LURAP1L: variants seen among roughly 807,000 people sequenced by gnomAD.
LURAP1L encodes the protein leucine rich adaptor protein 1 like.
A neutral mutation model predicts 13.8 loss-of-function variants in LURAP1L; 12 were observed. The observed-to-expected ratio is 0.87, with a 90% confidence interval of 0.56 to 1.41. The LOEUF (loss-of-function observed/expected upper bound fraction) is 1.41. Among genes scored for constraint, LURAP1L ranks in the 40% most tolerant of loss-of-function variants. LURAP1L has a pLI of 0.00. For synonymous variants in LURAP1L, 139 were observed against 119.2 expected (o/e 1.17, Z -1.08); for missense variants, 375 against 292.9 (o/e 1.28, Z -2.04).
At chr9:12,790,346 T>G (rs1487114965) in intron 1 of LURAP1L, among the ~76,000 whole-genome samples, 1 of 152,150 alleles carries the variant, frequency 6.6e-6, no homozygotes, top group Non-Finnish European at 1.5e-5. Context: ...TGGCCAATTA[T>G]TGAGGGACTA....
At chr9:12,782,594 AGT>A (rs1377448868) in intron 1 of LURAP1L, among the ~76,000 whole-genome samples, 1 of 152,062 alleles carries the variant, frequency 6.6e-6, no homozygotes, top group African/African-American at 2.4e-5. Flanking sequence ...TCCATTGCTC[AGT>A]GTGTCTGTTT....
At position 12,821,884 on chromosome 9, in the gene LURAP1L, A is replaced by C; in HGVS notation, c.*124A>C. ...CCTTTTTAAAAGAAGCTGATTTTGAAACTGCTTAATGGTATTGCTGTTGCT... is the reference window on the plus strand; with the variant it reads ...CCTTTTTAAAAGAAGCTGATTTTGACACTGCTTAATGGTATTGCTGTTGCT... On this transcript the variant is annotated 3_prime_UTR_variant, in exon 2 of 2. Transcript: ENST00000319264. 1 of 1,180,906 alleles carries C rather than the reference A, an allele frequency of 8.5e-7. No individual in the cohort carries two copies. Among genetic ancestry groups the C allele is most frequent in the Non-Finnish European group, 1.2e-6 (1 of 843,626 alleles). The allele number at this position is 1,180,906 out of a possible 1,614,324, so 73.2% of individuals were successfully genotyped here.
chr9:12,802,248 A>G (rs569604102), intron 1 of LURAP1L, among the ~76,000 whole-genome samples: 2 of 152,272 alleles, frequency 1.3e-5, no homozygotes, highest in African/African-American at 4.8e-5. Flanking sequence ...AAAATCAGTG[A>G]TATGGTTTGG....
intron 1 of LURAP1L, among the ~76,000 whole-genome samples, chr9:12,779,042 C>T (rs940288440): frequency 7.9e-5 from 12 of 152,062 alleles, no homozygotes; most frequent in African/African-American, 2.9e-4. Flanking sequence ...TAAAATAAAA[C>T]AGTGTATTGC....
chr9:12,775,627 A>G lies in LURAP1L; in HGVS notation c.-89A>G, dbSNP rs530243529. 4.7e-6 allele frequency: 7 copies of G among 1,488,040 alleles called. No individual in the cohort carries two copies. In the South Asian group the frequency reaches 9.9e-5, roughly 21 times the overall value. 92.2% of individuals were successfully genotyped at this position (1,488,040 alleles called of 1,614,324 possible). On this transcript the variant is annotated 5_prime_UTR_variant, in exon 1 of 2. Coordinates refer to ENST00000319264, the MANE Select transcript of LURAP1L (RefSeq NM_203403.2). Reference sequence around the variant, plus strand: ...AGGATAGAGACCCTGGCCCCCGGAGAGGTCTGCTGATTTCGCAGCAGCCTT... The same window carrying G: ...AGGATAGAGACCCTGGCCCCCGGAGGGGTCTGCTGATTTCGCAGCAGCCTT...
intron 1 of LURAP1L, among the ~76,000 whole-genome samples, chr9:12,781,578 A>G (rs1350492399): frequency 6.6e-6 from 1 of 152,166 alleles, no homozygotes; most frequent in Non-Finnish European, 1.5e-5. Flanking sequence ...GTTGTTGCAA[A>G]TGACAGATTC....
chr9:12,778,936 G>T (rs572653897), intron 1 of LURAP1L, among the ~76,000 whole-genome samples: 122 of 152,282 alleles, frequency 8.0e-4, no homozygotes, highest in Non-Finnish European at 1.5e-3. Flanking sequence ...TAGTACCAAA[G>T]CCTATATAGA....
intron 1 of LURAP1L, among the ~76,000 whole-genome samples, chr9:12,803,304 T>G (rs1819612441): frequency 6.6e-6 from 1 of 152,224 alleles, no homozygotes; most frequent in Non-Finnish European, 1.5e-5. Flanking sequence ...GAAAGGAATT[T>G]TGAAGATGAT....
At chr9:12,813,212 G>C (rs1819761499) in intron 1 of LURAP1L, among the ~76,000 whole-genome samples, 1 of 152,108 alleles carries the variant, frequency 6.6e-6, no homozygotes, top group Admixed American at 6.6e-5. Flanking sequence ...TTGTGAACTA[G>C]TTGCCAATCA....
chr9:12,780,231 T>C (rs1819250695), intron 1 of LURAP1L, among the ~76,000 whole-genome samples: 1 of 152,220 alleles, frequency 6.6e-6, no homozygotes, highest in Non-Finnish European at 1.5e-5. Flanking sequence ...TTGCTGTTTT[T>C]CCAACAGGAA....
chr9:12,788,121 TGAAG>T (rs1351148889), intron 1 of LURAP1L, among the ~76,000 whole-genome samples: 4 of 50,434 alleles, frequency 7.9e-5, no homozygotes, highest in African/African-American at 1.8e-4. Context: ...AAAGAAAGAA[TGAAG>T]GAAGGAAGGA....
rs539264198 is a variant in LURAP1L, at chr9:12,779,939, C to T, written c.312+3912C>T. Among the ~76,000 whole-genome samples the T allele has an allele frequency of 8.3e-4, 126 of 152,276 alleles. 1 individual carries two copies. Among genetic ancestry groups the T allele is most frequent in the African/African-American group, 2.5e-3 (103 of 41,552 alleles). ...GCTTCCCAGCAATCATAATCATACC[C>T]TTTCCTTTTGGCCACTATCACCAAG... On this transcript the variant is annotated intron_variant, in intron 1 of 1. Coordinates refer to ENST00000319264, the MANE Select transcript of LURAP1L (RefSeq NM_203403.2).
intron 1 of LURAP1L, among the ~76,000 whole-genome samples, chr9:12,786,094 GAC>G (rs1019736121): frequency 3.3e-5 from 5 of 151,914 alleles, no homozygotes; most frequent in Admixed American, 2.0e-4. Flanking sequence ...ATTACAATAT[GAC>G]ACACAGTATT....
chr9:12,807,946 A>G (rs1462340243), intron 1 of LURAP1L, among the ~76,000 whole-genome samples: 5 of 152,100 alleles, frequency 3.3e-5, no homozygotes, highest in African/African-American at 1.2e-4. Flanking sequence ...ACTTTTAAGT[A>G]ATATTATACC....
intron 1 of LURAP1L, among the ~76,000 whole-genome samples, chr9:12,801,521 A>C (rs1819585477): frequency 6.6e-6 from 1 of 152,192 alleles, no homozygotes; most frequent in Admixed American, 6.5e-5. Context: ...TACTTTAATA[A>C]GTTTTTATTA....
intron 1 of LURAP1L, among the ~76,000 whole-genome samples, chr9:12,796,612 G>T (rs1038003701): frequency 6.6e-6 from 1 of 151,922 alleles, no homozygotes; most frequent in Non-Finnish European, 1.5e-5. Flanking sequence ...ATAAGCTGGA[G>T]GAATATACCT....
chr9:12,795,678 C>T (rs887326882), intron 1 of LURAP1L, among the ~76,000 whole-genome samples: 2 of 152,038 alleles, frequency 1.3e-5, no homozygotes, highest in Non-Finnish European at 2.9e-5. Flanking sequence ...TGAAAGGCAA[C>T]ACGACCACTT....
rs61134838 is a variant in LURAP1L, at chr9:12,786,581, T to TATATATATATATATAAAC, written c.312+10555_312+10556insTATATATATATATAAACA. Among the ~76,000 whole-genome samples, 553 of 121,132 alleles carry TATATATATATATATAAAC rather than the reference T, an allele frequency of 4.6e-3. 4 individuals carry two copies. The highest frequency in any genetic ancestry group is 8.2e-3 in the Non-Finnish European group (449 of 55,008). The allele number at this position is 121,132 out of a possible 152,430, so 79.5% of individuals were successfully genotyped here. A position where few individuals can be genotyped will look rare whatever the true frequency, so the allele number is the denominator to read the frequency against. On this transcript the variant is annotated intron_variant, in intron 1 of 1. Coordinates refer to ENST00000319264, the MANE Select transcript of LURAP1L (RefSeq NM_203403.2). ...ATATATATATATATATATATATATA[T>TATATATATATATATAAAC]AAACCCTTGTGCCTTAAGTCTGTAT...
At position 12,811,023 on chromosome 9, in the gene LURAP1L, C is replaced by T. The variant is rs570565047; in HGVS notation, c.313-10363C>T. ...ATTTCCTATGCAAAGGGCCATTGTA[C>T]AGGTCTTTTATAAAAAAAATGTTAA... On this transcript the variant is annotated intron_variant, in intron 1 of 1. Transcript: ENST00000319264. Among the ~76,000 whole-genome samples, 5 of 152,244 alleles carry T rather than the reference C, an allele frequency of 3.3e-5. No individual in the cohort carries two copies. In the South Asian group the frequency reaches 1.0e-3, roughly 32 times the overall value.
Sources: gnomAD v4.1 joint callset for allele counts (sites outside exome capture counted in the v4.1 genomes callset) on GRCh38, gnomAD v4.1.1 for gene constraint, MANE v1.5 for transcripts, NCBI Gene and HGNC (gene_info 2026-07-23, HGNC 2026-07-21) for gene names.